Variants in TRHDE observed in about 807,000 individuals in gnomAD.
TRHDE encodes the protein thyrotropin-releasing hormone-degrading ectoenzyme.
Under a neutral mutation model 125.7 loss-of-function variants are expected in TRHDE, and 72 were observed. That is an observed-to-expected ratio of 0.57 (90% CI 0.47 to 0.70). TRHDE has a LOEUF of 0.70. Ranked by LOEUF, TRHDE falls within the 30% of genes least tolerant of loss-of-function variation. The probability of loss-of-function intolerance (pLI) is 0.00; values close to 1 mark genes in which losing one functional copy is unlikely to be tolerated. For synonymous variants in TRHDE, 509 were observed against 509.1 expected (o/e 1.00, Z 0.00); for missense variants, 1,110 against 1,327.1 (o/e 0.84, Z 2.54).
chr12:72,336,917 T>C (rs1361282797), intron 2 of TRHDE, among the ~76,000 whole-genome samples: 1 of 152,148 alleles, frequency 6.6e-6, no homozygotes, highest in Non-Finnish European at 1.5e-5. Context: ...ATTCAAACCA[T>C]AGCACTACTC....
chr12:72,474,875 A>T (rs557404913), intron 5 of TRHDE, among the ~76,000 whole-genome samples: 195 of 152,286 alleles, frequency 1.3e-3, no homozygotes, highest in Non-Finnish European at 2.3e-3. Flanking sequence ...AAAAAATGAA[A>T]TTACTTTAAC....
chr12:72,525,485 G>C (rs1451602859), intron 6 of TRHDE, among the ~76,000 whole-genome samples: 2 of 151,800 alleles, frequency 1.3e-5, no homozygotes, highest in East Asian at 3.9e-4. Flanking sequence ...GATTGTGCCT[G>C]GTATATCCTA....
rs1190363456 is a variant in TRHDE at position 72,583,923 on chromosome 12, C to CTTTTTTTTTT, written c.2321+8399_2321+8408dup. Among the ~76,000 whole-genome samples, 4 of 60,462 alleles carry CTTTTTTTTTT rather than the reference C, an allele frequency of 6.6e-5. 1 individual carries two copies. The highest frequency in any genetic ancestry group is 5.0e-4 in the African/African-American group (4 of 7,974). The allele number at this position is 60,462 out of a possible 152,430, so 39.7% of individuals were successfully genotyped here. Reference sequence around the variant, plus strand: ...GCTTGTGGCTCTAAAGGATGACAAACTTTTTTTTTTTTTTTTTTTTTTTTT... The same window carrying CTTTTTTTTTT: ...GCTTGTGGCTCTAAAGGATGACAAACTTTTTTTTTTTTTTTTTTTTTTTTTTTTTTTTTTT... On this transcript the variant is annotated intron_variant, in intron 12 of 18. Transcript: ENST00000261180.
At chr12:72,439,215 T>C (rs1263331125) in intron 3 of TRHDE, among the ~76,000 whole-genome samples, 1 of 151,864 alleles carries the variant, frequency 6.6e-6, no homozygotes, top group Admixed American at 6.6e-5. Flanking sequence ...TTATAGTATA[T>C]TTTGAAGTCA....
intron 3 of TRHDE, among the ~76,000 whole-genome samples, chr12:72,415,825 C>T (rs938966071): frequency 3.9e-5 from 6 of 152,050 alleles, no homozygotes; most frequent in Admixed American, 1.3e-4. Context: ...GGCTATTGTG[C>T]ATAGCACTGC....
rs147991647 is a variant in TRHDE, at chr12:72,166,306, G to GAT, written n.279+60566_279+60567dup. 2.9e-3 allele frequency among the ~76,000 whole-genome samples: 441 copies of GAT among 151,068 alleles called. 1 individual carries two copies. The highest frequency in any genetic ancestry group is 9.7e-3 in the African/African-American group (396 of 40,922). On this transcript the variant is annotated intron_variant and non_coding_transcript_variant, in intron 2 of 4. Coordinates refer to the TRHDE transcript ENST00000548156. ...ACATGACTGTGTATGTACATGTGGA[G>GAT]ATATATATATATACACACACACACA...
chr12:72,635,222 T>C (rs1873683325), intron 15 of TRHDE, among the ~76,000 whole-genome samples: 1 of 152,108 alleles, frequency 6.6e-6, no homozygotes, highest in East Asian at 1.9e-4. Flanking sequence ...TATCTCATTG[T>C]GGTTTTGATT....
chr12:72,451,324 A>G (rs1013744595), intron 3 of TRHDE, among the ~76,000 whole-genome samples: 3 of 152,010 alleles, frequency 2.0e-5, no homozygotes, highest in Admixed American at 6.6e-5. Context: ...TCAGGGTCTA[A>G]TTTCATTATT....
In TRHDE at chr12:72,355,783, C is replaced by T. The variant is rs148336806; in HGVS notation, c.1189-22212C>T. Among the ~76,000 whole-genome samples, 204 of 151,588 alleles carry T rather than the reference C, an allele frequency of 1.3e-3. 1 individual carries two copies. The highest frequency in any genetic ancestry group is 2.5e-3 in the Non-Finnish European group (171 of 67,676). ...TTCAAAAGAAGACAGACATGTGGCC[C>T]ACAAGCATATATAAATAAGCTCAAT... On this transcript the variant is annotated intron_variant, in intron 2 of 18. Transcript: ENST00000261180.
chr12:72,668,068 T>C lies in TRHDE; in HGVS notation c.*4873T>C, dbSNP rs1369956600. 6.6e-6 allele frequency: 1 copy of C among 151,712 alleles called. No individual in the cohort carries two copies. 9.4% of individuals were successfully genotyped at this position (151,712 alleles called of 1,614,324 possible). On this transcript the variant is annotated 3_prime_UTR_variant, in exon 19 of 19. Coordinates refer to ENST00000261180, the MANE Select transcript of TRHDE (RefSeq NM_013381.3). ...TATGTGAACTTATGAAAAAATGTTC[T>C]TGTAAATTATTCTAGAATCCCAAAT... is the stretch of plus-strand genomic sequence containing the variant.
chr12:72,570,125 T>C (rs759351086), intron 10 of TRHDE, among the ~76,000 whole-genome samples: 1 of 152,224 alleles, frequency 6.6e-6, no homozygotes, highest in Non-Finnish European at 1.5e-5. Flanking sequence ...GTAAAGATAC[T>C]GATCAAACAT....
intron 2 of TRHDE, among the ~76,000 whole-genome samples, chr12:72,365,095 G>A (rs1015772207): frequency 6.6e-6 from 1 of 152,086 alleles, no homozygotes; most frequent in African/African-American, 2.4e-5. Flanking sequence ...ATCTGTTACT[G>A]CTTATTGTGC....
intron 13 of TRHDE, among the ~76,000 whole-genome samples, chr12:72,620,338 CAAAAAAAAAAAAA>C (rs3080963): frequency 1.5e-5 from 1 of 67,506 alleles, no homozygotes; most frequent in Admixed American, 1.7e-4. Context: ...CCCATCTCTA[CAAAAAAAAAAAAA>C]AAAAAAAAAA....
At chr12:72,534,425 C>T (rs868313757) in intron 6 of TRHDE, among the ~76,000 whole-genome samples, 1 of 151,778 alleles carries the variant, frequency 6.6e-6, no homozygotes, top group South Asian at 2.1e-4. Flanking sequence ...TTTTGGTCTC[C>T]TATTATCTTG....
chr12:72,323,907 G>C (rs1565698786), intron 2 of TRHDE, among the ~76,000 whole-genome samples: 1 of 152,014 alleles, frequency 6.6e-6, no homozygotes, highest in Non-Finnish European at 1.5e-5. Context: ...CAGAGAAGTA[G>C]ACACAGAATG....
At position 72,615,000 on chromosome 12, in the gene TRHDE, AGGAGGGAAG is replaced by A. The variant is rs200251027; in HGVS notation, c.2322-3880_2322-3872del. Among the ~76,000 whole-genome samples, 118 of 152,226 alleles carry A rather than the reference AGGAGGGAAG, an allele frequency of 7.8e-4. 2 individuals carry two copies. In the East Asian group the frequency reaches 0.021, roughly 27 times the overall value. On this transcript the variant is annotated intron_variant, in intron 12 of 18. Coordinates refer to ENST00000261180, the MANE Select transcript of TRHDE (RefSeq NM_013381.3). ...TCAAGCTCTTATAAATTGGAGAAGGAGGAGGGAAGGGAGGGAAGGATATATGTGTGCATG... is the reference window on the plus strand; with the variant it reads ...TCAAGCTCTTATAAATTGGAGAAGGAGGAGGGAAGGATATATGTGTGCATG...
intron 2 of TRHDE, among the ~76,000 whole-genome samples, chr12:72,151,349 T>C (rs999788177): frequency 1.1e-4 from 17 of 152,178 alleles, no homozygotes; most frequent in African/African-American, 3.9e-4. Flanking sequence ...GTAGGTTGCC[T>C]GTTCACGCTG....
chr12:72,521,137 G>A (rs1879175391), intron 6 of TRHDE, among the ~76,000 whole-genome samples: 2 of 152,134 alleles, frequency 1.3e-5, no homozygotes, highest in South Asian at 2.1e-4. Context: ...TACTATACAT[G>A]TATCCAAATA....
Position 72,123,820 on chromosome 12 carries a change from C to T in TRHDE, n.279+18068C>T, listed in dbSNP as rs146424442. 5.3e-5 allele frequency among the ~76,000 whole-genome samples: 8 copies of T among 152,148 alleles called. No homozygotes were observed. The East Asian group carries it at 1.5e-3, about 29-fold the overall frequency. ...CATTATCTCCAAAGGTTTTATCATGCCTCATTACAATCATCCTTCCCCAGG... is the reference window on the plus strand; with the variant it reads ...CATTATCTCCAAAGGTTTTATCATGTCTCATTACAATCATCCTTCCCCAGG... On this transcript the variant is annotated intron_variant and non_coding_transcript_variant, in intron 2 of 4. Coordinates refer to the TRHDE transcript ENST00000548156.
Sources: allele counts gnomAD v4.1 joint callset (sites outside exome capture counted in the v4.1 genomes callset), GRCh38; gene constraint gnomAD v4.1.1; transcripts MANE v1.5; gene names NCBI Gene and HGNC (gene_info 2026-07-23, HGNC 2026-07-21).